DCC: variants seen among roughly 807,000 people sequenced by gnomAD.
DCC encodes netrin receptor DCC.
A neutral mutation model predicts 172.5 loss-of-function variants in DCC; 58 were observed. That is an observed-to-expected ratio of 0.34 (90% CI 0.27 to 0.42). The LOEUF is 0.42. Among genes scored for constraint, DCC ranks in the 10% least tolerant of loss-of-function variants. The pLI is 1.00. For synonymous variants in DCC, 709 were observed against 644.5 expected (o/e 1.10, Z -1.52); for missense variants, 1,740 against 1,791.0 (o/e 0.97, Z 0.51).
intron 5 of DCC, among the ~76,000 whole-genome samples, chr18:52,957,472 G>A (rs1280417600): frequency 1.3e-5 from 2 of 152,076 alleles, no homozygotes. Flanking sequence ...CAAGAGAAGA[G>A]TGTTTTTAAC....
intron 4 of DCC, 129 bp from the exon 5 acceptor site, chr18:52,925,105 G>C (rs899353953): frequency 5.6e-6 from 5 of 898,654 alleles, no homozygotes; most frequent in Non-Finnish European, 9.0e-6. Context: ...CTTTAATCAA[G>C]CCCTTATGAT....
chr18:53,126,150 A>G (rs1401264703), intron 7 of DCC, among the ~76,000 whole-genome samples: 1 of 152,122 alleles, frequency 6.6e-6, no homozygotes, highest in Non-Finnish European at 1.5e-5. Context: ...AGTATGGGTG[A>G]GTTCAAAAAA....
At chr18:52,944,271 A>G (rs939513562) in intron 5 of DCC, among the ~76,000 whole-genome samples, 1 of 152,184 alleles carries the variant, frequency 6.6e-6, no homozygotes, top group Non-Finnish European at 1.5e-5. Flanking sequence ...ATCTGAGAAG[A>G]TAACTTAGGA....
intron 8 of DCC, among the ~76,000 whole-genome samples, chr18:53,161,578 G>A (rs768230804): frequency 1.1e-4 from 16 of 151,966 alleles, no homozygotes; most frequent in East Asian, 3.9e-4. Context: ...TCATATACAC[G>A]TCTTCCTACT....
chr18:52,811,815 T>C (rs558492537), intron 2 of DCC, among the ~76,000 whole-genome samples: 14 of 152,318 alleles, frequency 9.2e-5, no homozygotes, highest in Non-Finnish European at 1.8e-4. Flanking sequence ...TTGACATCAA[T>C]CACACTTTTA....
chr18:53,313,149 T>C (rs924537347), intron 13 of DCC, among the ~76,000 whole-genome samples: 2 of 151,648 alleles, frequency 1.3e-5, no homozygotes, highest in African/African-American at 2.4e-5. Context: ...GCTATCAGAG[T>C]TGGGGCCCCC....
At chr18:53,436,889 T>C (rs1440847041) in intron 22 of DCC, among the ~76,000 whole-genome samples, 1 of 152,190 alleles carries the variant, frequency 6.6e-6, no homozygotes, top group African/African-American at 2.4e-5. Flanking sequence ...GCTCATTCTC[T>C]GCTTCACAGT....
chr18:53,089,588 CAAAAAACA>C (rs763705598), intron 7 of DCC, among the ~76,000 whole-genome samples: 2,760 of 125,916 alleles, frequency 0.022, 36 homozygotes, highest in Non-Finnish European at 0.031. Flanking sequence ...AAAAAAAAAC[CAAAAAACA>C]AAAAACAAAA....
intron 7 of DCC, among the ~76,000 whole-genome samples, chr18:53,149,639 T>A (rs191370875): frequency 6.6e-6 from 1 of 152,352 alleles, no homozygotes; most frequent in Non-Finnish European, 1.5e-5. Flanking sequence ...ATATGATATA[T>A]GTTTTTACAT....
chr18:53,096,600 A>G (rs761853263), intron 7 of DCC, among the ~76,000 whole-genome samples: 1 of 152,162 alleles, frequency 6.6e-6, no homozygotes, highest in Non-Finnish European at 1.5e-5. Context: ...AAATAAGGCA[A>G]TTAAAGACAT....
At chr18:52,914,765 C>A (rs1472302095) in intron 3 of DCC, among the ~76,000 whole-genome samples, 2 of 152,036 alleles carry the variant, frequency 1.3e-5, no homozygotes, top group African/African-American at 4.8e-5. Context: ...GAACTAGATG[C>A]GGGATGGCTA....
intron 1 of DCC, among the ~76,000 whole-genome samples, chr18:52,402,376 A>G (rs1265442945): frequency 6.6e-6 from 1 of 151,954 alleles, no homozygotes; most frequent in East Asian, 1.9e-4. Context: ...CCTCTATCGC[A>G]TGTTTTCAAC....
At chr18:53,430,976 A>G (rs773313051) in intron 21 of DCC, among the ~76,000 whole-genome samples, 4 of 152,182 alleles carry the variant, frequency 2.6e-5, no homozygotes, top group Non-Finnish European at 5.9e-5. Context: ...CCATCTTTTA[A>G]ATAAAATGTG....
At chr18:52,444,073 C>T (rs953190335) in intron 1 of DCC, among the ~76,000 whole-genome samples, 2 of 152,156 alleles carry the variant, frequency 1.3e-5, no homozygotes, top group Admixed American at 1.3e-4. Context: ...CCTGGACTGA[C>T]TGTGACCCAT....
rs147772965 is a variant in DCC, at chr18:52,449,772, A to G, written c.91+108894A>G. Among the ~76,000 whole-genome samples, 597 of 152,234 alleles carry G rather than the reference A, an allele frequency of 3.9e-3. 2 individuals are homozygous for G. The highest frequency in any genetic ancestry group is 0.037 in the Middle Eastern group (11 of 294). On this transcript the variant is annotated intron_variant, in intron 1 of 28. Coordinates refer to ENST00000442544, the MANE Select transcript of DCC (RefSeq NM_005215.4). ...GGTCTTTTCTCATGCTGTTCTCATG[A>G]TAGTGAATAAGTCTCATGAGATCTG...
At chr18:53,204,135 T>C (rs143860481) in intron 9 of DCC, among the ~76,000 whole-genome samples, 99 of 148,474 alleles carry the variant, frequency 6.7e-4, no homozygotes, top group African/African-American at 2.4e-3. Flanking sequence ...ACTGCAAATA[T>C]ATAGTTACAT....
chr18:53,160,189 A>AC (rs769537002), intron 8 of DCC, among the ~76,000 whole-genome samples: 1 of 152,038 alleles, frequency 6.6e-6, no homozygotes, highest in East Asian at 1.9e-4. Context: ...AATCCTCTAT[A>AC]CCCCCTTGGC....
intron 5 of DCC, among the ~76,000 whole-genome samples, chr18:53,032,991 A>G (rs1182544453): frequency 6.6e-6 from 1 of 152,128 alleles, no homozygotes; most frequent in Non-Finnish European, 1.5e-5. Context: ...TAATGAGTTG[A>G]GAATTCTCTG....
chr18:53,292,560 G>A (rs760263552), intron 12 of DCC, among the ~76,000 whole-genome samples: 5 of 152,052 alleles, frequency 3.3e-5, no homozygotes, highest in Non-Finnish European at 7.4e-5. Context: ...TGGGTGGTGG[G>A]CATCTGTAAT....
Sources: gnomAD v4.1 joint callset for allele counts (sites outside exome capture counted in the v4.1 genomes callset) on GRCh38, gnomAD v4.1.1 for gene constraint, MANE v1.5 for transcripts, NCBI Gene and HGNC (gene_info 2026-07-23, HGNC 2026-07-21) for gene names.